Variants in PSG5 observed in about 807,000 individuals in gnomAD.
PSG5 encodes the protein pregnancy specific beta-1-glycoprotein 5, also known as pregnancy-specific beta-1-glycoprotein 5.
In PSG5, 53 loss-of-function variants were observed where a neutral mutation model predicts 37.7. The observed-to-expected ratio is 1.41, with a 90% CI of 1.13 to 1.77. The LOEUF (loss-of-function observed/expected upper bound fraction) is 1.77. Among genes scored for constraint, PSG5 ranks in the 40% most tolerant of loss-of-function variants. PSG5 has a pLI of 0.00. For synonymous variants in PSG5, 221 were observed against 155.4 expected, an observed-to-expected ratio of 1.42 and a Z score of -3.14; for missense variants, 547 against 405.2, an observed-to-expected ratio of 1.35 and a Z score of -3.00.
In PSG5 at chr19:43,176,102, C is replaced by T. The variant is rs775127721; in HGVS notation, c.477G>A (p.Arg159=). The change falls in exon 3 of 6, where the codon AGG becomes AGA. Residue 159 remains arginine (R), a synonymous_variant. Coordinates refer to ENST00000342951, the MANE Select transcript of PSG5 (RefSeq NM_002781.4). ...PYITINNSKP[R]ENKDVLAFTC... ...TGAAGGCTAAGACATCCTTATTCTC[C>T]CTGGGTTTTGAGTTGTTGATGGTGA... 11 of 1,610,988 alleles carry T rather than the reference C, an allele frequency of 6.8e-6. No homozygotes were observed. Among genetic ancestry groups the T allele is most frequent in the Admixed American group, 3.3e-5 (2 of 59,844 alleles).
chr19:43,179,655 C>T (rs1969086230), intron 2 of PSG5, among the ~76,000 whole-genome samples: 1 of 151,706 alleles, frequency 6.6e-6, no homozygotes, highest in Admixed American at 6.6e-5. Context: ...TGGCCTGGGA[C>T]TGGGTACTTC....
intron 2 of PSG5, among the ~76,000 whole-genome samples, chr19:43,176,868 C>T (rs1969022690): frequency 1.3e-5 from 2 of 150,842 alleles, no homozygotes; most frequent in African/African-American, 2.5e-5. Context: ...GGAGCAGAAC[C>T]ATGTTCCCTG....
chr19:43,176,805 T>G (rs1304473975), intron 2 of PSG5, among the ~76,000 whole-genome samples: 1 of 150,096 alleles, frequency 6.7e-6, no homozygotes, highest in African/African-American at 2.5e-5. Flanking sequence ...TAGAGCAGAG[T>G]GCAAGGAATG....
intron 4 of PSG5, chr19:43,174,651 A>G: frequency 1.0e-6 from 1 of 980,714 alleles, no homozygotes; most frequent in Non-Finnish European, 1.2e-6. Context: ...AATTCAGGAC[A>G]GGCCACCAGG....
In PSG5 at chr19:43,185,050, A is replaced by G; in HGVS notation, c.162T>C (p.Leu54=). 2 of 1,612,612 alleles carry G rather than the reference A, an allele frequency of 1.2e-6. No homozygotes were observed. The highest frequency in any genetic ancestry group is 1.7e-6 in the Non-Finnish European group (2 of 1,179,158). The part of the protein sequence containing the change: ...KVSEGKDVLL[L]VHNLPQNLAG... ...CAAGATTCTGAGGCAAATTGTGGACAAGTAGAAGAACATCCTTCCCCTCGG... is the reference window on the plus strand; with the variant it reads ...CAAGATTCTGAGGCAAATTGTGGACGAGTAGAAGAACATCCTTCCCCTCGG... Residue 54 remains leucine (L), a synonymous_variant, in exon 2 of 6, where the codon CTT becomes CTC. Coordinates refer to ENST00000342951, the MANE Select transcript of PSG5 (RefSeq NM_002781.4).
At chr19:43,177,868 A>G (rs575570870) in intron 2 of PSG5, among the ~76,000 whole-genome samples, 5 of 151,686 alleles carry the variant, frequency 3.3e-5, no homozygotes, top group Admixed American at 1.3e-4. Context: ...ATGTCTTTCC[A>G]TATATTGATA....
At chr19:43,179,440 C>T (rs771305424) in intron 2 of PSG5, among the ~76,000 whole-genome samples, 1 of 151,664 alleles carries the variant, frequency 6.6e-6, no homozygotes, top group East Asian at 1.9e-4. Context: ...GACCCGATGC[C>T]TCTCTGAGTT....
intron 4 of PSG5, among the ~76,000 whole-genome samples, chr19:43,172,093 G>T (rs913717364): frequency 6.6e-6 from 1 of 150,966 alleles, no homozygotes; most frequent in Non-Finnish European, 1.5e-5. Flanking sequence ...AAATAAATTG[G>T]ATAACCTAGA....
chr19:43,173,657 C>A (rs1160674170), intron 4 of PSG5, among the ~76,000 whole-genome samples: 1 of 151,558 alleles, frequency 6.6e-6, no homozygotes, highest in East Asian at 1.9e-4. Flanking sequence ...AATGTTACAC[C>A]ACCTCACACA....
At chr19:43,175,791 G>A (rs1348517814) in intron 3 of PSG5, 79 bp downstream of exon 3, 2 of 1,588,788 alleles carry the variant, frequency 1.3e-6, no homozygotes, top group Non-Finnish European at 1.7e-6. Flanking sequence ...TTGGACCGGA[G>A]AAAGACTGAG....
At position 43,179,770 on chromosome 19, in the gene PSG5, A is replaced by G. The variant is rs1254985265; in HGVS notation, c.431-3622T>C. ...CAGTTTTCCCAGGTGTCTCATAGTG[A>G]CTGACTTGAGCCAGTGACTTCTAAA... On this transcript the variant is annotated intron_variant, in intron 2 of 5. Transcript: ENST00000342951. 2.6e-5 allele frequency among the ~76,000 whole-genome samples: 4 copies of G among 151,626 alleles called. 1 individual carries two copies. The highest frequency in any genetic ancestry group is 7.3e-5 in the African/African-American group (3 of 41,140).
rs759463397 is a variant in PSG5 at position 43,178,956 on chromosome 19, A to G, written c.431-2808T>C. The G allele has an allele frequency of 2.1e-5, 34 of 1,612,668 alleles. 1 individual carries two copies. The highest frequency in any genetic ancestry group is 1.1e-4 in the South Asian group (10 of 91,028). ...TATTTCACATTCATAGGGTCCTGCA[A>G]TATACTTTGTGACACCAAATATAAA... On this transcript the variant is annotated intron_variant, in intron 2 of 5. Coordinates refer to ENST00000342951, the MANE Select transcript of PSG5 (RefSeq NM_002781.4).
At position 43,171,972 on chromosome 19, in the gene PSG5, G is replaced by A. The variant is rs146867242; in HGVS notation, c.965-1834C>T. On this transcript the variant is annotated intron_variant, in intron 4 of 5. Transcript: ENST00000342951. Reference sequence around the variant, plus strand: ...GGACTGGTCTACATAGTGAGAGCCCGTCCCTCTCTTCAAAAAAAAAAAAAA... The same window carrying A: ...GGACTGGTCTACATAGTGAGAGCCCATCCCTCTCTTCAAAAAAAAAAAAAA... 3.7e-3 allele frequency among the ~76,000 whole-genome samples: 472 copies of A among 129,210 alleles called. 7 individuals are homozygous for A. The highest frequency in any genetic ancestry group is 0.013 in the African/African-American group (426 of 32,920). The allele number at this position is 129,210 out of a possible 152,430, so 84.8% of individuals were successfully genotyped here.
Position 43,176,157 on chromosome 19 carries a change from A to C in PSG5, c.431-9T>G. 1 of 1,610,728 alleles carries C rather than the reference A, an allele frequency of 6.2e-7. No individual in the cohort carries two copies. The highest frequency in any genetic ancestry group is 1.1e-5 in the South Asian group (1 of 90,984). ...GGGCTTGGGCAGCTTCACTGTGTGG[A>C]TAACAGAGAGAAGATTGTCCTGTGT... is the stretch of plus-strand genomic sequence containing the variant. On this transcript the variant is annotated splice_polypyrimidine_tract_variant and intron_variant, in intron 2 of 5. Transcript: ENST00000342951.
chr19:43,174,354 A>C (rs1201673721), intron 4 of PSG5: 5 of 714,792 alleles, frequency 7.0e-6, no homozygotes, highest in Non-Finnish European at 8.6e-6. Context: ...TATTAGATAT[A>C]TATAAAGTGT....
intron 2 of PSG5, among the ~76,000 whole-genome samples, chr19:43,177,109 T>C (rs1277780020): frequency 1.3e-5 from 2 of 151,634 alleles, no homozygotes; most frequent in Non-Finnish European, 2.9e-5. Context: ...TACTCTCTGA[T>C]TCCATGGATT....
chr19:43,178,294 T>C (rs999008430), intron 2 of PSG5, among the ~76,000 whole-genome samples: 1 of 151,488 alleles, frequency 6.6e-6, no homozygotes, highest in East Asian at 1.9e-4. Context: ...GAAACAGACA[T>C]AGATCCCTCT....
rs532626897 is a variant in PSG5, at chr19:43,173,468, A to C, written c.964+1747T>G. Among the ~76,000 whole-genome samples the C allele has an allele frequency of 2.2e-4, 33 of 151,878 alleles. 1 individual carries two copies. In the South Asian group the frequency reaches 2.5e-3, roughly 11 times the overall value. The stretch of plus-strand genomic sequence containing the variant: ...CAAATTATATGTGTGATAAGAAATT[A>C]ATTTCCAGAATACATGAAAAGCTAC... On this transcript the variant is annotated intron_variant, in intron 4 of 5. Coordinates refer to ENST00000342951, the MANE Select transcript of PSG5 (RefSeq NM_002781.4).
intron 3 of PSG5, 165 bp from the exon 4 acceptor site, chr19:43,175,634 C>A (rs1968992429): frequency 7.1e-7 from 1 of 1,399,914 alleles, no homozygotes; most frequent in Non-Finnish European, 9.6e-7. Flanking sequence ...TCACCTGTTT[C>A]TCCCATCACA....
Sources: allele counts gnomAD v4.1 joint callset (sites outside exome capture counted in the v4.1 genomes callset), GRCh38; gene constraint gnomAD v4.1.1; transcripts MANE v1.5; gene names NCBI Gene and HGNC (gene_info 2026-07-23, HGNC 2026-07-21).